Variants in ERICH1 observed in about 807,000 individuals in gnomAD.
The protein encoded by ERICH1 is glutamate-rich protein 1.
ERICH1 carries 56 observed loss-of-function variants against 39.6 expected under a neutral mutation model. The observed-to-expected ratio is 1.41, with a 90% CI of 1.14 to 1.77. The LOEUF is 1.77. Among genes scored for constraint, ERICH1 ranks in the 40% most tolerant of loss-of-function variants. ERICH1 has a pLI of 0.00. For synonymous variants in ERICH1, 313 were observed against 223.6 expected, an observed-to-expected ratio of 1.40 and a Z score of -3.57; for missense variants, 826 against 575.4, an observed-to-expected ratio of 1.44 and a Z score of -4.45.
intron 3 of ERICH1, among the ~76,000 whole-genome samples, chr8:657,402 C>A (rs927627123): frequency 6.6e-6 from 1 of 151,846 alleles, no homozygotes; most frequent in African/African-American, 2.4e-5. Flanking sequence ...TCGGGGTTGG[C>A]ATGTCTCTGG....
Position 628,642 on chromosome 8 carries a change from C to G in ERICH1, c.977-13358G>C, listed in dbSNP as rs949988003. On this transcript the variant is annotated intron_variant, in intron 3 of 3. Coordinates refer to the ERICH1 transcript ENST00000522706. ...CCTTTCTTAACATTCTGAAGTCAGC[C>G]TCAGGATGCGGGTTCGCAACACAAA... Among the ~76,000 whole-genome samples the G allele has an allele frequency of 4.0e-4, 61 of 152,198 alleles. 5 individuals are homozygous for G.
In ERICH1 at chr8:673,509, G is replaced by C. The variant is rs138418999; in HGVS notation, c.843C>G (p.Asp281Glu). 238 of 1,611,926 alleles carry C rather than the reference G, an allele frequency of 1.5e-4. No individual in the cohort carries two copies. In the African/African-American group the frequency reaches 2.6e-3, roughly 17 times the overall value. Residue 281 changes from aspartate to glutamate, a missense_variant, in exon 4 of 6, where the codon GAC becomes GAG. Physicochemically the swap from Asp to Glu is conservative, Grantham distance 45 (BLOSUM62 2). Transcript: ENST00000262109. ...EEDGVDTIEE[D>E]LTRAGEEDGK... is the part of the protein sequence containing the mutation. ...CGTCTTCCTCCCCGGCCCGTGTCAGGTCTTCCTCAATGGTGTCCACACCGT... is the reference window on the plus strand; with the variant it reads ...CGTCTTCCTCCCCGGCCCGTGTCAGCTCTTCCTCAATGGTGTCCACACCGT...
At chr8:689,201 TCC>T (rs1808359168) in intron 3 of ERICH1, among the ~76,000 whole-genome samples, 1 of 151,952 alleles carries the variant, frequency 6.6e-6, no homozygotes, top group African/African-American at 2.4e-5. Flanking sequence ...GGCCTCCGCC[TCC>T]CCAGTTCAAG....
At chr8:685,054 C>G (rs927589536) in intron 3 of ERICH1, among the ~76,000 whole-genome samples, 1 of 152,196 alleles carries the variant, frequency 6.6e-6, no homozygotes, top group Non-Finnish European at 1.5e-5. Context: ...CTGGAATCTC[C>G]TAATCCTAGC....
rs560991592 is a variant in ERICH1 at position 624,518 on chromosome 8, C to T, written c.977-9234G>A. On this transcript the variant is annotated intron_variant, in intron 3 of 3. Coordinates refer to the ERICH1 transcript ENST00000522706. The stretch of plus-strand genomic sequence containing the variant: ...TTCTTGAACTGCTATAAAGAACTAC[C>T]TAAGACTGGGTAATTTCTAAAGAAA... 2.6e-5 allele frequency among the ~76,000 whole-genome samples: 4 copies of T among 152,246 alleles called. No individual in the cohort carries two copies. The East Asian group carries it at 7.7e-4, about 29-fold the overall frequency.
chr8:616,686 A>G, intron 3 of ERICH1: 1 of 448,598 alleles, frequency 2.2e-6, no homozygotes, highest in South Asian at 1.6e-5. Flanking sequence ...AGGGAGAGGA[A>G]GACAGAGAGG....
rs1819237391 is a variant in ERICH1, at chr8:728,213, C to CG, written c.22+2926dup. Among the ~76,000 whole-genome samples the CG allele has an allele frequency of 2.0e-5, 3 of 152,326 alleles. No individual in the cohort carries two copies. The South Asian group carries it at 6.2e-4, about 32-fold the overall frequency. ...TGACCAACCACCAGGGAGGAGGCTC[C>CG]GCCAGCCCAACAGCAAGACTCCGCC... is the stretch of plus-strand genomic sequence containing the variant. On this transcript the variant is annotated intron_variant, in intron 1 of 5. Coordinates refer to ENST00000262109, the MANE Select transcript of ERICH1 (RefSeq NM_207332.3).
At chr8:693,857 G>T (rs1171188277) in intron 2 of ERICH1, among the ~76,000 whole-genome samples, 1 of 152,242 alleles carries the variant, frequency 6.6e-6, no homozygotes, top group Non-Finnish European at 1.5e-5. Context: ...TGGCTGTTTG[G>T]TTCCTGCACA....
intron 2 of ERICH1, among the ~76,000 whole-genome samples, chr8:699,894 C>G (rs1196952551): frequency 3.1e-5 from 4 of 129,682 alleles, no homozygotes; most frequent in African/African-American, 1.1e-4. Flanking sequence ...TCCGCACACG[C>G]GCACAGACCC....
At chr8:631,312 G>C (rs1259343062) in intron 3 of ERICH1, among the ~76,000 whole-genome samples, 1 of 152,252 alleles carries the variant, frequency 6.6e-6, no homozygotes. Flanking sequence ...AGTGTCAGGA[G>C]TTGGCTGTTC....
At chr8:700,533 G>GGCCCGCACAC (rs1811849274) in intron 2 of ERICH1, among the ~76,000 whole-genome samples, 1 of 39,038 alleles carries the variant, frequency 2.6e-5, no homozygotes, top group African/African-American at 7.7e-5. Flanking sequence ...GGCCCGCACA[G>GGCCCGCACAC]GCGCACAGGC....
chr8:670,396 G>A (rs1246351378), intron 4 of ERICH1, among the ~76,000 whole-genome samples: 1 of 152,068 alleles, frequency 6.6e-6, no homozygotes, highest in African/African-American at 2.4e-5. Context: ...AACTGTTGCT[G>A]AACGCATAGG....
At chr8:619,288 C>T (rs565414202) in intron 3 of ERICH1, among the ~76,000 whole-genome samples, 1 of 152,256 alleles carries the variant, frequency 6.6e-6, no homozygotes, top group Non-Finnish European at 1.5e-5. Context: ...CGGTGAGACC[C>T]ACCGCGCACG....
Position 664,318 on chromosome 8 carries a change from C to A in ERICH1, c.*285G>T. ...GCTTCAAACTATACATTTAACTTAA[C>A]AGAATGTCCATTTTCAATTTTTACA... On this transcript the variant is annotated 3_prime_UTR_variant, in exon 6 of 6. Transcript: ENST00000262109. The A allele has an allele frequency of 9.3e-7, 1 of 1,076,434 alleles. No individual in the cohort carries two copies. 66.7% of individuals were successfully genotyped at this position (1,076,434 alleles called of 1,614,324 possible). A position where few individuals can be genotyped will look rare whatever the true frequency, so the allele number is the denominator to read the frequency against.
chr8:700,163 GCGCACAGGCC>G (rs201831771), intron 2 of ERICH1, among the ~76,000 whole-genome samples: 5,642 of 78,870 alleles, frequency 0.072, 341 homozygotes, highest in East Asian at 0.15. Context: ...ACCCGCACAC[GCGCACAGGCC>G]CGCACAGGCC....
intron 3 of ERICH1, among the ~76,000 whole-genome samples, chr8:683,692 G>C (rs1027536371): frequency 2.0e-5 from 3 of 152,176 alleles, no homozygotes; most frequent in African/African-American, 7.2e-5. Flanking sequence ...ATAAAAAACT[G>C]AGTTGGGCTA....
At chr8:699,820 A>ACAGACCCGCTCAG (rs1563295682) in intron 2 of ERICH1, among the ~76,000 whole-genome samples, 1 of 58,992 alleles carries the variant, frequency 1.7e-5, no homozygotes, top group South Asian at 6.2e-4. Flanking sequence ...GATCCGCACA[A>ACAGACCCGCTCAG]GCGCACAGAC....
chr8:670,333 T>G (rs1160060918), intron 4 of ERICH1, among the ~76,000 whole-genome samples: 4 of 102,902 alleles, frequency 3.9e-5, no homozygotes, highest in Admixed American at 9.9e-5. Flanking sequence ...TCTACTGCTC[T>G]TTTTTTCTCG....
chr8:680,784 C>T (rs924125803), intron 3 of ERICH1, among the ~76,000 whole-genome samples: 4 of 152,250 alleles, frequency 2.6e-5, no homozygotes, highest in Admixed American at 2.6e-4. Context: ...TCATGAGCTG[C>T]AACATCCTGA....
Sources: allele counts gnomAD v4.1 joint callset (sites outside exome capture counted in the v4.1 genomes callset), GRCh38; gene constraint gnomAD v4.1.1; transcripts MANE v1.5; gene names NCBI Gene and HGNC (gene_info 2026-07-23, HGNC 2026-07-21).